PRELID2: variants seen among roughly 807,000 people sequenced by gnomAD.
The protein encoded by PRELID2 is PRELI domain-containing protein 2.
A neutral mutation model predicts 28.4 loss-of-function variants in PRELID2; 25 were observed. That is an observed-to-expected ratio of 0.88 (90% CI 0.64 to 1.23). The LOEUF (loss-of-function observed/expected upper bound fraction) is 1.23, where lower values mean the gene tolerates loss of function less well. Ranked by LOEUF, PRELID2 falls within the 50% of genes most tolerant of loss-of-function variation. The probability of loss-of-function intolerance (pLI) is 0.00; values close to 1 mark genes in which losing one functional copy is unlikely to be tolerated. For synonymous variants in PRELID2, 76 were observed against 71.6 expected (o/e 1.06, Z -0.31); for missense variants, 201 against 214.4 (o/e 0.94, Z 0.39).
intron 6 of PRELID2, among the ~76,000 whole-genome samples, chr5:145,763,628 C>G (rs1268533676): frequency 1.3e-5 from 2 of 152,236 alleles, no homozygotes; most frequent in Non-Finnish European, 2.9e-5. Context: ...GTTAACTGCT[C>G]TCACTCTTTA....
chr5:145,652,934 C>T (rs574134380), intron 1 of PRELID2, among the ~76,000 whole-genome samples: 4 of 152,264 alleles, frequency 2.6e-5, no homozygotes, highest in African/African-American at 9.6e-5. Context: ...CTGAATACTC[C>T]AATTAAAAGA....
At chr5:145,656,780 A>C (rs1487141772) in intron 1 of PRELID2, among the ~76,000 whole-genome samples, 1 of 151,558 alleles carries the variant, frequency 6.6e-6, no homozygotes, top group Non-Finnish European at 1.5e-5. Context: ...GAGGGATAGC[A>C]TTAGGAGATA....
At chr5:145,478,823 T>C (rs1186548428) in intron 1 of PRELID2, among the ~76,000 whole-genome samples, 1 of 152,200 alleles carries the variant, frequency 6.6e-6, no homozygotes, top group African/African-American at 2.4e-5. Flanking sequence ...GGCTGGAACA[T>C]GTGTAACTGT....
At chr5:145,305,970 G>C in the PRELID2 span, among the ~76,000 whole-genome samples, 1 of 152,134 alleles carries the variant, frequency 6.6e-6, no homozygotes, top group Non-Finnish European at 1.5e-5. Flanking sequence ...GAACACTGAG[G>C]TCAGAGAAAA....
chr5:145,415,299 T>C, the PRELID2 span, among the ~76,000 whole-genome samples: 1 of 152,084 alleles, frequency 6.6e-6, no homozygotes, highest in African/African-American at 2.4e-5. Flanking sequence ...ATTATTATTA[T>C]ACTTTAAGTT....
At chr5:145,574,649 C>T (rs1753045412) in intron 1 of PRELID2, among the ~76,000 whole-genome samples, 2 of 152,166 alleles carry the variant, frequency 1.3e-5, no homozygotes, top group Admixed American at 1.3e-4. Context: ...CACTCTTCAC[C>T]TAGTGCCATC....
At position 145,640,374 on chromosome 5, in the gene PRELID2, G is replaced by A. The variant is rs1322315366; in HGVS notation, n.70+124557C>T. Among the ~76,000 whole-genome samples the A allele has an allele frequency of 4.6e-5, 7 of 151,876 alleles. No individual in the cohort carries two copies. In the East Asian group the frequency reaches 5.8e-4, roughly 13 times the overall value. On this transcript the variant is annotated intron_variant and non_coding_transcript_variant, in intron 1 of 2. Coordinates refer to the PRELID2 transcript ENST00000510259. ...GCCTGTAGTCCCAGCTACTCGGGAG[G>A]CTGAGGCAGGAGAATGGCGTGAACC...
At chr5:145,255,758 A>G in the PRELID2 span, among the ~76,000 whole-genome samples, 1 of 152,144 alleles carries the variant, frequency 6.6e-6, no homozygotes, top group African/African-American at 2.4e-5. Flanking sequence ...TCCAGCCTGG[A>G]TGACAGAGCA....
chr5:145,596,712 G>A (rs529654895), intron 1 of PRELID2, among the ~76,000 whole-genome samples: 38 of 152,194 alleles, frequency 2.5e-4, no homozygotes, highest in East Asian at 1.9e-3. Context: ...ATCAGAGTTC[G>A]TACATGAGAT....
the PRELID2 span, among the ~76,000 whole-genome samples, chr5:145,418,406 G>T: frequency 2.6e-5 from 4 of 152,100 alleles, no homozygotes; most frequent in Admixed American, 1.3e-4. Context: ...AATTCATAGA[G>T]AACCAAAAAA....
chr5:145,497,016 C>A (rs1242724853), intron 1 of PRELID2, among the ~76,000 whole-genome samples: 1 of 151,996 alleles, frequency 6.6e-6, no homozygotes. Context: ...GTGTGTGCCA[C>A]CATGCTCAGT....
At chr5:145,700,993 G>A (rs1755392792) in intron 1 of PRELID2, among the ~76,000 whole-genome samples, 1 of 152,214 alleles carries the variant, frequency 6.6e-6, no homozygotes, top group South Asian at 2.1e-4. Flanking sequence ...CAGGCTCTGA[G>A]AGGACCAGAG....
the PRELID2 span, among the ~76,000 whole-genome samples, chr5:145,239,609 G>T: frequency 1.3e-5 from 2 of 151,824 alleles, no homozygotes; most frequent in Admixed American, 1.3e-4. Flanking sequence ...TTGATGCCTC[G>T]CTCTCCAGAA....
the PRELID2 span, among the ~76,000 whole-genome samples, chr5:145,344,116 CA>C: frequency 5.1e-4 from 77 of 151,964 alleles, no homozygotes; most frequent in Middle Eastern, 6.9e-3. Flanking sequence ...GAAATTATTC[CA>C]AAAAATTTAA....
chr5:145,292,572 C>G, the PRELID2 span, among the ~76,000 whole-genome samples: 1 of 152,122 alleles, frequency 6.6e-6, no homozygotes, highest in African/African-American at 2.4e-5. Context: ...ATGGCAAAAG[C>G]TTGAATAAAC....
At chr5:145,385,720 C>T in the PRELID2 span, among the ~76,000 whole-genome samples, 3 of 152,108 alleles carry the variant, frequency 2.0e-5, no homozygotes, top group South Asian at 2.1e-4. Flanking sequence ...CATGGAAATT[C>T]AGCCAATTGT....
the PRELID2 span, among the ~76,000 whole-genome samples, chr5:145,402,151 T>C: frequency 6.6e-6 from 1 of 152,072 alleles, no homozygotes; most frequent in East Asian, 1.9e-4. Flanking sequence ...GGGACAGATA[T>C]GACCATTCAC....
At chr5:145,659,552 A>G (rs1344747965) in intron 1 of PRELID2, among the ~76,000 whole-genome samples, 1 of 152,192 alleles carries the variant, frequency 6.6e-6, no homozygotes, top group African/African-American at 2.4e-5. Context: ...AGGAGTCAAG[A>G]AGTAAAGGAC....
chr5:145,794,960 T>C (rs1197343711), intron 5 of PRELID2: 1 of 152,140 alleles, frequency 6.6e-6, no homozygotes, highest in African/African-American at 2.4e-5. Flanking sequence ...TTTTTATAAA[T>C]GAACATTTGC....
Sources: allele counts gnomAD v4.1 joint callset (sites outside exome capture counted in the v4.1 genomes callset), GRCh38; gene constraint gnomAD v4.1.1; transcripts MANE v1.5; gene names NCBI Gene and HGNC (gene_info 2026-07-23, HGNC 2026-07-21).